IL26: variants seen among roughly 807,000 people sequenced by gnomAD.
IL26 encodes the protein interleukin-26.
A neutral mutation model predicts 21.7 loss-of-function variants in IL26; 23 were observed. The observed-to-expected ratio is 1.06, with a 90% CI of 0.76 to 1.50. The LOEUF (loss-of-function observed/expected upper bound fraction) is 1.50. IL26 is among the 40% of genes most tolerant of loss of function. IL26 has a pLI of 0.00. For synonymous variants in IL26, 63 were observed against 67.8 expected (o/e 0.93, Z 0.34); for missense variants, 204 against 196.0 (o/e 1.04, Z -0.24).
At chr12:68,207,748 G>T (rs1868582842) in intron 3 of IL26, among the ~76,000 whole-genome samples, 1 of 152,056 alleles carries the variant, frequency 6.6e-6, no homozygotes, top group South Asian at 2.1e-4. Flanking sequence ...CTTTACCTTT[G>T]TTTACAAACC....
In IL26 at chr12:68,225,210, C is replaced by T. The variant is rs1869204767; in HGVS notation, c.302G>A (p.Gly101Asp). 6.2e-7 allele frequency: 1 copy of T among 1,613,832 alleles called. No homozygotes were observed. The highest frequency in any genetic ancestry group is 8.5e-7 in the Non-Finnish European group (1 of 1,179,902). ...EDVFGQLQLQ[G>D]CKKIRFVEDF... ...CTCCACAAAGCGTATTTTCTTGCAGCCTTGCAATTGCAGTTGACCAAAAAC... is the reference window on the plus strand; with the variant it reads ...CTCCACAAAGCGTATTTTCTTGCAGTCTTGCAATTGCAGTTGACCAAAAAC... Residue 101 changes from glycine (G) to aspartate (D), a missense_variant, in exon 3 of 5, where the codon GGC becomes GAC. Physicochemically the swap from Gly to Asp is moderately conservative, Grantham distance 94 (BLOSUM62 -1). Transcript: ENST00000229134.
chr12:68,210,319 T>A (rs1868674467), intron 3 of IL26, among the ~76,000 whole-genome samples: 1 of 42,332 alleles, frequency 2.4e-5, no homozygotes, highest in African/African-American at 1.0e-4. Context: ...ATAGACTAAA[T>A]AAATAAATAT....
chr12:68,223,889 T>TTTTTTTTTTTTTTTG (rs1470392200), intron 3 of IL26, among the ~76,000 whole-genome samples: 1 of 150,956 alleles, frequency 6.6e-6, no homozygotes, highest in Non-Finnish European at 1.5e-5. Flanking sequence ...TGGTGGTTTT[T>TTTTTTTTTTTTTTTG]TTTTTTTTTT....
intron 3 of IL26, among the ~76,000 whole-genome samples, chr12:68,223,363 C>T (rs756039778): frequency 2.0e-5 from 3 of 152,148 alleles, no homozygotes; most frequent in African/African-American, 7.2e-5. Flanking sequence ...ACCAGAGCGG[C>T]GCCACACTGT....
intron 3 of IL26, among the ~76,000 whole-genome samples, chr12:68,220,350 T>C (rs1220635096): frequency 6.6e-6 from 1 of 152,114 alleles, no homozygotes; most frequent in Non-Finnish European, 1.5e-5. Flanking sequence ...TAATATATTA[T>C]TGCCAAGTAG....
At chr12:68,204,054 G>A (rs1868460040) in intron 3 of IL26, among the ~76,000 whole-genome samples, 1 of 151,764 alleles carries the variant, frequency 6.6e-6, no homozygotes. Flanking sequence ...TGAATGCTCA[G>A]TAAAACTTCA....
At chr12:68,223,034 C>A (rs1869103095) in intron 3 of IL26, among the ~76,000 whole-genome samples, 1 of 152,284 alleles carries the variant, frequency 6.6e-6, no homozygotes, top group Admixed American at 6.5e-5. Flanking sequence ...CCAGTTTCTG[C>A]TGCCAGAAAT....
At chr12:68,202,163 A>G (rs1868408209) in intron 3 of IL26, 80 bp from the exon 4 acceptor site, 5 of 921,172 alleles carry the variant, frequency 5.4e-6, no homozygotes, top group South Asian at 5.2e-5. Flanking sequence ...ACAAATATTT[A>G]TAGAGCAGGT....
Position 68,223,490 on chromosome 12 carries a change from G to A in IL26, c.363+1659C>T, listed in dbSNP as rs377347090. Among the ~76,000 whole-genome samples the A allele has an allele frequency of 4.6e-5, 7 of 152,284 alleles. No homozygotes were observed. The South Asian group carries it at 1.4e-3, about 32-fold the overall frequency. The stretch of plus-strand genomic sequence containing the variant: ...ATATTGTTCGTTTTAGGTTATAACT[G>A]TCGCTATGTGTTCTCTAGCTATTTG... On this transcript the variant is annotated intron_variant, in intron 3 of 4. Transcript: ENST00000229134.
chr12:68,203,992 G>T (rs1393373312), intron 3 of IL26, among the ~76,000 whole-genome samples: 1 of 152,126 alleles, frequency 6.6e-6, no homozygotes, highest in Non-Finnish European at 1.5e-5. Context: ...TACAACATGG[G>T]ATTCTTTCTC....
At chr12:68,222,269 A>G (rs1869074576) in intron 3 of IL26, among the ~76,000 whole-genome samples, 1 of 152,238 alleles carries the variant, frequency 6.6e-6, no homozygotes, top group African/African-American at 2.4e-5. Context: ...AAAGCAATCA[A>G]TATCATATGT....
chr12:68,225,074 G>T, intron 3 of IL26, 75 bp downstream of exon 3: 1 of 1,459,534 alleles, frequency 6.9e-7, no homozygotes, highest in Non-Finnish European at 9.2e-7. Context: ...CCTTTGGTGT[G>T]AGACAGATTC....
chr12:68,217,772 CT>C (rs1868926401), intron 3 of IL26, among the ~76,000 whole-genome samples: 1 of 152,074 alleles, frequency 6.6e-6, no homozygotes, highest in African/African-American at 2.4e-5. Flanking sequence ...CTGATCAAGT[CT>C]CTCTGTATAA....
chr12:68,218,489 T>C (rs553429444), intron 3 of IL26, among the ~76,000 whole-genome samples: 1 of 152,110 alleles, frequency 6.6e-6, no homozygotes, highest in South Asian at 2.1e-4. Flanking sequence ...AAGAAACGAT[T>C]AGTGATCTTG....
At chr12:68,209,449 A>G (rs905938963) in intron 3 of IL26, among the ~76,000 whole-genome samples, 4 of 152,096 alleles carry the variant, frequency 2.6e-5, no homozygotes, top group African/African-American at 9.7e-5. Context: ...GGTTCTTTTA[A>G]CTCAAGATAC....
At chr12:68,208,386 C>G (rs1230085953) in intron 3 of IL26, among the ~76,000 whole-genome samples, 2 of 152,184 alleles carry the variant, frequency 1.3e-5, no homozygotes, top group African/African-American at 4.8e-5. Context: ...GTTATGGCCC[C>G]GAACCTCCAC....
intron 3 of IL26, among the ~76,000 whole-genome samples, chr12:68,211,842 C>T (rs749882052): frequency 2.6e-5 from 4 of 151,972 alleles, no homozygotes; most frequent in African/African-American, 9.7e-5. Context: ...CTTACTTTGT[C>T]GATTGTTTCC....
At chr12:68,214,115 C>T (rs12230520) in intron 3 of IL26, among the ~76,000 whole-genome samples, 4 of 152,148 alleles carry the variant, frequency 2.6e-5, no homozygotes, top group East Asian at 1.9e-4. Flanking sequence ...ACTGACTCAT[C>T]GATTGCTCAG....
chr12:68,224,764 G>A (rs1287330686), intron 3 of IL26, among the ~76,000 whole-genome samples: 3 of 137,996 alleles, frequency 2.2e-5, no homozygotes, highest in Non-Finnish European at 5.1e-5. Context: ...AGGGAGAGAG[G>A]GAGGAAGGGA....
Sources: allele counts gnomAD v4.1 joint callset (sites outside exome capture counted in the v4.1 genomes callset), GRCh38; gene constraint gnomAD v4.1.1; transcripts MANE v1.5; gene names NCBI Gene and HGNC (gene_info 2026-07-23, HGNC 2026-07-21).